PDE4B: variants seen among roughly 807,000 people sequenced by gnomAD.
The protein encoded by PDE4B is 3',5'-cyclic-AMP phosphodiesterase 4B.
A neutral mutation model predicts 82.2 loss-of-function variants in PDE4B; 20 were observed. The ratio of observed to expected loss-of-function variants is 0.24; its 90% CI spans 0.17 to 0.35. The LOEUF is 0.35. PDE4B is among the 10% of genes least tolerant of loss of function. PDE4B has a pLI of 1.00. For missense variants in PDE4B, 655 were observed against 907.2 expected (o/e 0.72, Z 3.57); for synonymous variants, 320 against 318.9 (o/e 1.00, Z -0.04).
chr1:66,299,943 ATAT>A (rs961056385), intron 7 of PDE4B, among the ~76,000 whole-genome samples: 131 of 152,306 alleles, frequency 8.6e-4, no homozygotes, highest in African/African-American at 3.0e-3. Context: ...TAGAATGTAA[ATAT>A]TATAAGGAAA....
At chr1:66,180,708 C>T (rs1647045612) in intron 3 of PDE4B, among the ~76,000 whole-genome samples, 1 of 152,150 alleles carries the variant, frequency 6.6e-6, no homozygotes, top group Admixed American at 6.6e-5. Flanking sequence ...GCAGATAAAA[C>T]AGATTGCCCA....
intron 3 of PDE4B, among the ~76,000 whole-genome samples, chr1:66,136,019 G>A (rs1280850632): frequency 6.6e-6 from 1 of 152,072 alleles, no homozygotes; most frequent in East Asian, 1.9e-4. Context: ...TCTTTCTCTT[G>A]TGGGTACTTT....
chr1:66,090,535 A>G lies in PDE4B; in HGVS notation c.282-156925A>G, dbSNP rs576558971. Reference sequence around the variant, plus strand: ...TTCCTTTGTTCTTATAAGTGTTATCATAGTCAAATTACTCAGAGGAACAAA... The same window carrying G: ...TTCCTTTGTTCTTATAAGTGTTATCGTAGTCAAATTACTCAGAGGAACAAA... On this transcript the variant is annotated intron_variant, in intron 3 of 16. Transcript: ENST00000341517. Among the ~76,000 whole-genome samples the G allele has an allele frequency of 7.1e-4, 107 of 150,672 alleles. 1 individual carries two copies. Among genetic ancestry groups the G allele is most frequent in the Non-Finnish European group, 1.2e-3 (83 of 67,700 alleles).
chr1:66,057,580 G>T lies in PDE4B; in HGVS notation c.281+138745G>T, dbSNP rs190293120. Among the ~76,000 whole-genome samples the T allele has an allele frequency of 3.3e-5, 5 of 152,280 alleles. No homozygotes were observed. In the East Asian group the frequency reaches 9.7e-4, roughly 29 times the overall value. ...ATTGGACTTACAGTTCCACATGGCT[G>T]GGAGGCTTCACAATCACTGGGGGAA... is the stretch of plus-strand genomic sequence containing the variant. On this transcript the variant is annotated intron_variant, in intron 3 of 16. Coordinates refer to ENST00000341517, the MANE Select transcript of PDE4B (RefSeq NM_002600.4).
At chr1:66,149,608 C>T (rs933490779) in intron 3 of PDE4B, among the ~76,000 whole-genome samples, 1 of 152,104 alleles carries the variant, frequency 6.6e-6, no homozygotes, top group African/African-American at 2.4e-5. Flanking sequence ...AATCCCAGAA[C>T]TTTGGGAAGC....
intron 1 of PDE4B, among the ~76,000 whole-genome samples, chr1:65,871,753 C>A (rs1349222629): frequency 2.0e-5 from 3 of 152,146 alleles, no homozygotes; most frequent in African/African-American, 4.8e-5. Flanking sequence ...GTCTGCCTGG[C>A]TGACTTGTGT....
intron 3 of PDE4B, among the ~76,000 whole-genome samples, chr1:65,962,022 C>T (rs932174806): frequency 9.2e-5 from 14 of 152,064 alleles, no homozygotes; most frequent in East Asian, 1.9e-4. Flanking sequence ...TATTGTTAGT[C>T]GAAAATGCAC....
chr1:66,214,680 G>T (rs959560891), intron 3 of PDE4B, among the ~76,000 whole-genome samples: 1 of 151,960 alleles, frequency 6.6e-6, no homozygotes, highest in African/African-American at 2.4e-5. Context: ...GTAGATCAGA[G>T]AGATTATTTG....
chr1:66,077,099 A>G (rs2455019), intron 3 of PDE4B, among the ~76,000 whole-genome samples: 151,061 of 152,202 alleles, frequency 0.99, 74,972 homozygotes, highest in Middle Eastern at 1. Flanking sequence ...GGCCAACATC[A>G]AGAAGGGTAT....
rs1357643658 is a variant in PDE4B at position 66,368,982 on chromosome 1, A to G, written c.1845+13A>G. 6.3e-7 allele frequency: 1 copy of G among 1,587,336 alleles called. No individual in the cohort carries two copies. Among genetic ancestry groups the G allele is most frequent in the East Asian group, 2.3e-5 (1 of 44,376 alleles). On this transcript the variant is annotated intron_variant, in intron 16 of 16. Transcript: ENST00000341517. The stretch of plus-strand genomic sequence containing the variant: ...GGAAAAATCCCAGGTATCTAATATG[A>G]GATTTTCAAAGTTTTTGTGAGCTCT...
chr1:66,021,257 T>C (rs1557503402), intron 3 of PDE4B, among the ~76,000 whole-genome samples: 1 of 152,242 alleles, frequency 6.6e-6, no homozygotes, highest in Non-Finnish European at 1.5e-5. Context: ...TTTCTCCCAT[T>C]CAATAAGTTG....
At chr1:66,004,696 T>G (rs7534143) in intron 3 of PDE4B, among the ~76,000 whole-genome samples, 68,118 of 151,820 alleles carry the variant, frequency 0.45, 16,277 homozygotes, top group Non-Finnish European at 0.54. Flanking sequence ...TTGTTTTCCT[T>G]AGTGGGATCT....
intron 3 of PDE4B, among the ~76,000 whole-genome samples, chr1:66,211,793 G>C (rs1331918166): frequency 6.6e-6 from 1 of 152,218 alleles, no homozygotes; most frequent in Non-Finnish European, 1.5e-5. Context: ...TGTTTTCAGT[G>C]TATCATAGAA....
intron 3 of PDE4B, among the ~76,000 whole-genome samples, chr1:65,961,060 A>G (rs921891754): frequency 6.6e-6 from 1 of 152,192 alleles, no homozygotes; most frequent in African/African-American, 2.4e-5. Context: ...AACAAAACAG[A>G]TGAAACCTTT....
chr1:66,002,209 T>C (rs1410246329), intron 3 of PDE4B, among the ~76,000 whole-genome samples: 2 of 152,176 alleles, frequency 1.3e-5, no homozygotes, highest in African/African-American at 4.8e-5. Context: ...CTTACTGTGA[T>C]TTTAATTTGT....
At chr1:65,845,902 G>A (rs1173412591) in intron 1 of PDE4B, among the ~76,000 whole-genome samples, 3 of 152,116 alleles carry the variant, frequency 2.0e-5, no homozygotes, top group Non-Finnish European at 4.4e-5. Flanking sequence ...CTATGCAGGG[G>A]CTTAGAGAAT....
intron 8 of PDE4B, among the ~76,000 whole-genome samples, chr1:66,340,774 G>A (rs1660919341): frequency 6.6e-6 from 1 of 152,078 alleles, no homozygotes; most frequent in Non-Finnish European, 1.5e-5. Flanking sequence ...TAGGACAAGA[G>A]GTGTTGGCAT....
intron 13 of PDE4B, chr1:66,367,398 G>A (rs963599171): frequency 4.6e-6 from 1 of 215,966 alleles, no homozygotes; most frequent in Non-Finnish European, 9.2e-6. Context: ...TAGCTGCTCA[G>A]GAATGCCCTT....
intron 3 of PDE4B, among the ~76,000 whole-genome samples, chr1:66,154,623 G>T (rs1407711203): frequency 6.6e-6 from 1 of 152,150 alleles, no homozygotes; most frequent in Non-Finnish European, 1.5e-5. Context: ...CCATCAGCTG[G>T]CAGGGGTTTT....
Sources: allele counts gnomAD v4.1 joint callset (sites outside exome capture counted in the v4.1 genomes callset), GRCh38; gene constraint gnomAD v4.1.1; transcripts MANE v1.5; gene names NCBI Gene and HGNC (gene_info 2026-07-23, HGNC 2026-07-21).